The following GDF1 variants were observed in gnomAD, a reference collection of about 807,000 sequenced individuals.
GDF1 encodes the protein growth differentiation factor 1, also known as embryonic growth/differentiation factor 1.
GDF1 carries 8 observed loss-of-function variants against 7.4 expected under a neutral mutation model. The observed-to-expected ratio is 1.09, with a 90% CI of 0.64 to 1.96. The LOEUF (loss-of-function observed/expected upper bound fraction) is 1.96. Ranked by LOEUF, GDF1 falls within the 30% of genes most tolerant of loss-of-function variation. GDF1 has a pLI of 0.00. For synonymous variants in GDF1, 311 were observed against 276.7 expected, an observed-to-expected ratio of 1.12 and a Z score of -1.23; for missense variants, 574 against 551.5, an observed-to-expected ratio of 1.04 and a Z score of -0.41.
Position 18,870,368 on chromosome 19 carries a change from C to T in GDF1, c.-61G>A. The T allele has an allele frequency of 6.5e-7, 1 of 1,533,850 alleles. No homozygotes were observed. Among genetic ancestry groups the T allele is most frequent in the Non-Finnish European group, 8.8e-7 (1 of 1,141,498 alleles). On this transcript the variant is annotated 5_prime_UTR_variant, in exon 7 of 8. Transcript: ENST00000247005. The surrounding 1 kb of genome is among the most constrained non-coding windows in gnomAD (Gnocchi z 5.1). ...TCCGCGGCGGCCCGGGACCAGTGGG[C>T]TGAGGGCGGGGCCGGTGTCCCCGGA...
At chr19:18,877,472 C>T (rs1035626300) in intron 6 of GDF1, among the ~76,000 whole-genome samples, 3 of 152,196 alleles carry the variant, frequency 2.0e-5, no homozygotes, top group Admixed American at 6.5e-5. Flanking sequence ...CGACTCAGGC[C>T]GGCTGCAGTG....
At chr19:18,887,177 A>C (rs1190036689) in intron 2 of GDF1, among the ~76,000 whole-genome samples, 1 of 152,248 alleles carries the variant, frequency 6.6e-6, no homozygotes, top group East Asian at 1.9e-4. Context: ...AGCCATGAAA[A>C]AGAATGAAGC....
Position 18,869,315 on chromosome 19 carries a change from G to C in GDF1, c.401C>G (p.Ser134Trp), listed in dbSNP as rs1064793136. 3.2e-5 allele frequency: 49 copies of C among 1,521,738 alleles called. No homozygotes were observed. The highest frequency in any genetic ancestry group is 4.0e-5 in the Non-Finnish European group (46 of 1,141,982). 94.3% of individuals were successfully genotyped at this position (1,521,738 alleles called of 1,614,324 possible). ...CGGGCGCTCAGCGGGTTCCACAGCC[G>C]ACAGGTCGAAGACGACTGTCCACTC... ...CPEWTVVFDLSAVEPAERPSR... is the reference protein window; with the variant it reads ...CPEWTVVFDLWAVEPAERPSR... Residue 134 changes from serine to tryptophan, a missense_variant, in exon 8 of 8, where the codon TCG becomes TGG. By Grantham distance (177) the Ser-to-Trp change is radical. Transcript: ENST00000247005.
At chr19:18,883,341 G>A (rs2056261553) in intron 3 of GDF1, 1 of 152,144 alleles carries the variant, frequency 6.6e-6, no homozygotes, top group Admixed American at 6.5e-5. Context: ...AATTAATTCA[G>A]TATATCCAAA....
intron 3 of GDF1, chr19:18,883,043 CA>C (rs1326487003): frequency 4.6e-5 from 7 of 152,150 alleles, no homozygotes; most frequent in Non-Finnish European, 8.8e-5. Flanking sequence ...AGGTTGAACT[CA>C]AACTTCTGGG....
At chr19:18,869,744 G>T (rs2055929984) in intron 7 of GDF1, among the ~76,000 whole-genome samples, 1 of 151,216 alleles carries the variant, frequency 6.6e-6, no homozygotes, top group South Asian at 2.1e-4. Context: ...TGGGCATGGG[G>T]TGGGGACAGG....
At position 18,878,312 on chromosome 19, in the gene GDF1, G is replaced by A; in HGVS notation, c.-313+618C>T. ...GCCCAGACACCCCCTGCCTGCCCCA[G>A]GCCTGGGGCTTCGGACACCATCTGG... On this transcript the variant is annotated intron_variant, in intron 6 of 7. Coordinates refer to ENST00000247005, the MANE Select transcript of GDF1 (RefSeq NM_001492.6). The surrounding 1 kb of genome is among the most constrained non-coding windows in gnomAD (Gnocchi z 4.6). 1 of 984,692 alleles carries A rather than the reference G, an allele frequency of 1.0e-6. No homozygotes were observed. Among genetic ancestry groups the A allele is most frequent in the Non-Finnish European group, 1.2e-6 (1 of 830,048 alleles). 61.0% of individuals were successfully genotyped at this position (984,692 alleles called of 1,614,324 possible).
chr19:18,875,921 C>T (rs1233811353), intron 6 of GDF1, among the ~76,000 whole-genome samples: 1 of 152,208 alleles, frequency 6.6e-6, no homozygotes, highest in East Asian at 1.9e-4. Context: ...CCAGAGGGAG[C>T]ACCGCCCAGC....
Position 18,887,429 on chromosome 19 carries a change from G to A in GDF1, c.-913-3162C>T, listed in dbSNP as rs114327388. Among the ~76,000 whole-genome samples, 1,082 of 152,264 alleles carry A rather than the reference G, an allele frequency of 7.1e-3. 15 individuals are homozygous for A. Among genetic ancestry groups the A allele is most frequent in the African/African-American group, 0.025 (1,055 of 41,556 alleles). Reference sequence around the variant, plus strand: ...GATAATGTTCCAGACCTAGACAGAGGGGGTGGTTGAACAACACTGTGAATG... The same window carrying A: ...GATAATGTTCCAGACCTAGACAGAGAGGGTGGTTGAACAACACTGTGAATG... On this transcript the variant is annotated intron_variant, in intron 2 of 7. Coordinates refer to ENST00000247005, the MANE Select transcript of GDF1 (RefSeq NM_001492.6).
chr19:18,890,776 G>A (rs995641171), intron 2 of GDF1, among the ~76,000 whole-genome samples: 16 of 122,022 alleles, frequency 1.3e-4, no homozygotes, highest in East Asian at 6.8e-4. Context: ...GTAAGACCGC[G>A]TCTGGGGAAA....
intron 2 of GDF1, 100 bp from the exon 3 acceptor site, chr19:18,884,367 T>A: frequency 1.8e-6 from 2 of 1,111,424 alleles, no homozygotes; most frequent in Non-Finnish European, 2.5e-6. Flanking sequence ...GTCCTCCCAG[T>A]ACCCAGGTAA....
At position 18,868,904 on chromosome 19, in the gene GDF1, C is replaced by A; in HGVS notation, c.812G>T (p.Arg271Leu). Residue 271 changes from arginine (R) to leucine (L), a missense_variant, in exon 8 of 8, where the codon CGG becomes CTG. Coordinates refer to ENST00000247005, the MANE Select transcript of GDF1 (RefSeq NM_001492.6). ...CACCTCGCGGAAGCTCACGTACAGC[C>A]GCCGCGCGCGACAAGCGCCCCCGGG... ...GGPGGACRAR[R>L]LYVSFREVGW... The A allele has an allele frequency of 7.2e-7, 1 of 1,386,646 alleles. No individual in the cohort carries two copies. Among genetic ancestry groups the A allele is most frequent in the Admixed American group, 2.5e-5 (1 of 40,042 alleles). The allele number at this position is 1,386,646 out of a possible 1,614,324, so 85.9% of individuals were successfully genotyped here.
intron 3 of GDF1, chr19:18,883,204 C>T (rs763467626): frequency 7.2e-5 from 11 of 152,112 alleles, no homozygotes; most frequent in South Asian, 2.1e-4. Flanking sequence ...ACCCTATTAT[C>T]GCAGCTAGAG....
chr19:18,891,996 T>A (rs2056502963), intron 2 of GDF1, among the ~76,000 whole-genome samples: 1 of 150,742 alleles, frequency 6.6e-6, no homozygotes, highest in South Asian at 2.1e-4. Flanking sequence ...CGGGTTCAAG[T>A]GATTCTCCTG....
intron 2 of GDF1, among the ~76,000 whole-genome samples, chr19:18,891,754 G>C (rs2056496219): frequency 6.6e-6 from 1 of 151,592 alleles, no homozygotes; most frequent in Admixed American, 6.6e-5. Context: ...ATTTTTTGTA[G>C]AGATGGAGGT....
At chr19:18,879,530 G>C (rs1186414214) in intron 4 of GDF1, 142 bp from the exon 5 acceptor site, 13 of 1,024,616 alleles carry the variant, frequency 1.3e-5, no homozygotes, top group Non-Finnish European at 1.5e-5. Flanking sequence ...CTACTGCTCT[G>C]TCCTTCCCCT....
chr19:18,868,615 G>A lies in GDF1; in HGVS notation c.1101C>T (p.Asp367=). The A allele has an allele frequency of 1.3e-6, 2 of 1,564,518 alleles. No individual in the cohort carries two copies. Among genetic ancestry groups the A allele is most frequent in the Non-Finnish European group, 1.7e-6 (2 of 1,154,688 alleles). ...CCCCGGGTTAGCGGCAGCCGCACTC[G>A]TCCACCACCATGTCCTCATACTGCC... ...VLRQYEDMVV[D]ECGCR is the part of the protein sequence containing the mutation. Residue 367 remains aspartate (D), a synonymous_variant, in exon 8 of 8, where the codon GAC becomes GAT. Coordinates refer to ENST00000247005, the MANE Select transcript of GDF1 (RefSeq NM_001492.6).
Position 18,870,685 on chromosome 19 carries a change from C to G in GDF1, c.-312-66G>C, listed in dbSNP as rs1042799255. 2.0e-5 allele frequency: 10 copies of G among 508,204 alleles called. No homozygotes were observed. The African/African-American group carries it at 2.0e-4, about 10-fold the overall frequency. 31.5% of individuals were successfully genotyped at this position (508,204 alleles called of 1,614,324 possible). A position where few individuals can be genotyped will look rare whatever the true frequency, so the allele number is the denominator to read the frequency against. On this transcript the variant is annotated intron_variant, in intron 6 of 7. Coordinates refer to ENST00000247005, the MANE Select transcript of GDF1 (RefSeq NM_001492.6). This position sits in a 1 kb window ranked among gnomAD's most constrained non-coding sequence, Gnocchi z 5.1. ...CGCGGCCGCCTGGCCCTCTTTCCCG[C>G]TTCTTCTCTGGCCGTTTCACACCCC...
intron 1 of GDF1, among the ~76,000 whole-genome samples, chr19:18,894,608 G>A (rs1176954095): frequency 1.3e-5 from 2 of 152,038 alleles, no homozygotes; most frequent in African/African-American, 4.8e-5. Flanking sequence ...CCTGGGTCTC[G>A]GGCTTCCCAG....
Sources: gnomAD v4.1 joint callset for allele counts (sites outside exome capture counted in the v4.1 genomes callset) on GRCh38, gnomAD v4.1.1 for gene constraint, Gnocchi (gnomAD v3.1) non-coding constraint, MANE v1.5 for transcripts, NCBI Gene and HGNC (gene_info 2026-07-23, HGNC 2026-07-21) for gene names.